Variants in MDGA2 observed in about 807,000 individuals in gnomAD.
MDGA2 encodes MAM domain-containing glycosylphosphatidylinositol anchor protein 2.
MDGA2 carries 40 observed loss-of-function variants against 117.8 expected under a neutral mutation model. The observed-to-expected ratio is 0.34, with a 90% confidence interval of 0.26 to 0.44. The LOEUF is 0.44. Ranked by LOEUF, MDGA2 falls within the 20% of genes least tolerant of loss-of-function variation. MDGA2 has a pLI of 1.00. For synonymous variants in MDGA2, 452 were observed against 439.0 expected (o/e 1.03, Z -0.37); for missense variants, 1,123 against 1,250.6 (o/e 0.90, Z 1.54).
intron 1 of MDGA2, among the ~76,000 whole-genome samples, chr14:47,326,723 T>C (rs1179279394): frequency 6.6e-6 from 1 of 151,942 alleles, no homozygotes; most frequent in Admixed American, 6.6e-5. Context: ...ATCATTTTTC[T>C]AAACTCTTAA....
chr14:47,239,534 T>A (rs899013114), intron 2 of MDGA2, among the ~76,000 whole-genome samples: 1 of 151,928 alleles, frequency 6.6e-6, no homozygotes, highest in South Asian at 2.1e-4. Context: ...AGAAAACAGA[T>A]ACCAGGCATA....
chr14:46,874,694 G>A, intron 12 of MDGA2, among the ~76,000 whole-genome samples: 1 of 151,824 alleles, frequency 6.6e-6, no homozygotes, highest in East Asian at 1.9e-4. Context: ...TTTAGGGCAA[G>A]CTAATAGCAA....
intron 14 of MDGA2, among the ~76,000 whole-genome samples, chr14:46,864,083 C>G (rs1205443575): frequency 6.7e-6 from 1 of 149,428 alleles, no homozygotes; most frequent in African/African-American, 2.5e-5. Flanking sequence ...ACCCCCCACC[C>G]CACAACAGTG....
intron 1 of MDGA2, among the ~76,000 whole-genome samples, chr14:47,638,524 C>CAT (rs1335732285): frequency 6.6e-6 from 1 of 152,206 alleles, no homozygotes. Context: ...ATTTCACCTT[C>CAT]ATATTTATTC....
intron 1 of MDGA2, among the ~76,000 whole-genome samples, chr14:47,521,195 C>T (rs908749029): frequency 6.6e-6 from 1 of 152,134 alleles, no homozygotes; most frequent in African/African-American, 2.4e-5. Context: ...GGTTCAATGA[C>T]TGTAATTTTT....
intron 1 of MDGA2, among the ~76,000 whole-genome samples, chr14:47,404,506 A>C (rs1892221836): frequency 6.6e-6 from 1 of 151,324 alleles, no homozygotes; most frequent in African/African-American, 2.4e-5. Context: ...TTAAAAAAAA[A>C]AAAATTGAGA....
At chr14:47,320,459 T>C (rs1243190602) in intron 1 of MDGA2, among the ~76,000 whole-genome samples, 4 of 152,174 alleles carry the variant, frequency 2.6e-5, no homozygotes, top group Non-Finnish European at 5.9e-5. Flanking sequence ...AGAATATAGT[T>C]ACCAAACCTG....
intron 1 of MDGA2, among the ~76,000 whole-genome samples, chr14:47,540,563 T>TATATATATATATATAAAC (rs370481455): frequency 8.9e-6 from 1 of 112,544 alleles, no homozygotes; most frequent in East Asian, 3.1e-4. Flanking sequence ...TGTATATATA[T>TATATATATATATATAAAC]ACACACACAC....
At chr14:47,581,676 T>C (rs889710219) in intron 1 of MDGA2, among the ~76,000 whole-genome samples, 8 of 152,070 alleles carry the variant, frequency 5.3e-5, no homozygotes, top group African/African-American at 1.9e-4. Flanking sequence ...TTAGTAGGTA[T>C]AAAACTCTTC....
intron 8 of MDGA2, among the ~76,000 whole-genome samples, chr14:47,029,919 C>A (rs1454704416): frequency 6.6e-6 from 1 of 151,844 alleles, no homozygotes; most frequent in Non-Finnish European, 1.5e-5. Flanking sequence ...CCTCTACCTC[C>A]TGGGTTCAAG....
At chr14:47,350,102 T>C (rs1594811213) in intron 1 of MDGA2, among the ~76,000 whole-genome samples, 1 of 152,238 alleles carries the variant, frequency 6.6e-6, no homozygotes, top group Non-Finnish European at 1.5e-5. Flanking sequence ...TTCCCTATCA[T>C]GCTCCAACGA....
intron 1 of MDGA2, among the ~76,000 whole-genome samples, chr14:47,327,229 C>T (rs10145374): frequency 1.3e-5 from 2 of 152,156 alleles, no homozygotes; most frequent in African/African-American, 4.8e-5. Flanking sequence ...ATCTCTTCCC[C>T]CTTTGTTCCA....
At chr14:46,992,602 TG>T (rs1303529265) in intron 8 of MDGA2, among the ~76,000 whole-genome samples, 1 of 152,190 alleles carries the variant, frequency 6.6e-6, no homozygotes, top group African/African-American at 2.4e-5. Flanking sequence ...ATTTGTATAA[TG>T]TTTTTCACTC....
intron 1 of MDGA2, among the ~76,000 whole-genome samples, chr14:47,456,918 C>A (rs570400544): frequency 1.3e-5 from 2 of 151,820 alleles, no homozygotes; most frequent in Non-Finnish European, 2.9e-5. Context: ...AAAAACAAAC[C>A]CTCATGCTCT....
intron 6 of MDGA2, among the ~76,000 whole-genome samples, chr14:47,071,190 G>A (rs1890267137): frequency 1.3e-5 from 2 of 152,168 alleles, no homozygotes; most frequent in South Asian, 4.1e-4. Flanking sequence ...CCAGTATGTT[G>A]CTCAAAGATG....
intron 1 of MDGA2, among the ~76,000 whole-genome samples, chr14:47,431,278 C>T (rs1028828838): frequency 5.3e-5 from 8 of 151,466 alleles, no homozygotes; most frequent in African/African-American, 1.2e-4. Flanking sequence ...AATGGACTCA[C>T]GGTGTAAGTT....
chr14:47,580,586 T>C (rs1896212045), intron 1 of MDGA2, among the ~76,000 whole-genome samples: 2 of 151,880 alleles, frequency 1.3e-5, no homozygotes, highest in African/African-American at 4.8e-5. Context: ...GAAACAGAAA[T>C]TTAAAGGGGA....
chr14:47,569,389 C>A (rs1309943237), intron 1 of MDGA2, among the ~76,000 whole-genome samples: 1 of 152,196 alleles, frequency 6.6e-6, no homozygotes, highest in African/African-American at 2.4e-5. Context: ...ATGGCATTAA[C>A]ATGGCAACTG....
At chr14:47,277,082 T>C (rs1888332543) in intron 2 of MDGA2, among the ~76,000 whole-genome samples, 2 of 152,122 alleles carry the variant, frequency 1.3e-5, no homozygotes, top group Admixed American at 6.5e-5. Flanking sequence ...CTCTGAGCCA[T>C]AAAGCTCTTA....
Sources: allele counts gnomAD v4.1 joint callset (sites outside exome capture counted in the v4.1 genomes callset), GRCh38; gene constraint gnomAD v4.1.1; transcripts MANE v1.5; gene names NCBI Gene and HGNC (gene_info 2026-07-23, HGNC 2026-07-21).